Variants in CFDP1 observed in about 807,000 individuals in gnomAD.
CFDP1 encodes the protein heterochromatin-stabilizing protein CFDP1.
CFDP1 carries 31 observed loss-of-function variants against 40.1 expected under a neutral mutation model. The ratio of observed to expected loss-of-function variants is 0.77; its 90% CI spans 0.58 to 1.04. The LOEUF is 1.04. CFDP1 is among the 50% of genes least tolerant of loss of function. The pLI is 0.00. For missense variants in CFDP1, 423 were observed against 343.4 expected (o/e 1.23, Z -1.83); for synonymous variants, 167 against 120.0 (o/e 1.39, Z -2.56).
intron 5 of CFDP1, among the ~76,000 whole-genome samples, chr16:75,363,580 G>A (rs1185583284): frequency 6.6e-6 from 1 of 151,894 alleles, no homozygotes; most frequent in African/African-American, 2.4e-5. Flanking sequence ...ATTTTTAGTA[G>A]AGTCAGGGTT....
intron 1 of CFDP1, among the ~76,000 whole-genome samples, chr16:75,418,525 G>T (rs1175484742): frequency 1.3e-5 from 2 of 151,726 alleles, no homozygotes; most frequent in African/African-American, 2.4e-5. Context: ...TAGCCAAGAT[G>T]GTCTCGAACT....
chr16:75,371,954 T>C (rs772203253), intron 5 of CFDP1, among the ~76,000 whole-genome samples: 1 of 152,222 alleles, frequency 6.6e-6, no homozygotes, highest in Admixed American at 6.5e-5. Context: ...CTAATTTTCA[T>C]TGAGTCCTTC....
intron 5 of CFDP1, among the ~76,000 whole-genome samples, chr16:75,342,109 G>C (rs1026515503): frequency 6.6e-6 from 1 of 152,142 alleles, no homozygotes; most frequent in Non-Finnish European, 1.5e-5. Flanking sequence ...TGTTTCCAAA[G>C]GCCAGCACAT....
intron 5 of CFDP1, among the ~76,000 whole-genome samples, chr16:75,342,061 G>A (rs572878286): frequency 4.3e-4 from 66 of 152,260 alleles, no homozygotes; most frequent in African/African-American, 1.6e-3. Flanking sequence ...TTTTAAGGAT[G>A]TACCTCATCC....
At chr16:75,401,850 TA>T (rs71763293) in intron 4 of CFDP1, among the ~76,000 whole-genome samples, 78,671 of 151,538 alleles carry the variant, frequency 0.52, 21,457 homozygotes, top group Admixed American at 0.64. Context: ...GTTGAACATA[TA>T]AAAAAAAATA....
chr16:75,405,666 G>C (rs2079091082), intron 4 of CFDP1, among the ~76,000 whole-genome samples: 1 of 151,128 alleles, frequency 6.6e-6, no homozygotes, highest in Admixed American at 6.6e-5. Flanking sequence ...CAGGAGAACT[G>C]CTTGAACCAA....
chr16:75,403,850 G>A (rs1026613669), intron 4 of CFDP1, among the ~76,000 whole-genome samples: 3 of 152,028 alleles, frequency 2.0e-5, no homozygotes, highest in African/African-American at 7.2e-5. Context: ...TTATTTATGG[G>A]GCCAGGCATG....
At chr16:75,411,055 C>A (rs1160171290) in intron 4 of CFDP1, among the ~76,000 whole-genome samples, 3 of 151,842 alleles carry the variant, frequency 2.0e-5, no homozygotes, top group Admixed American at 2.0e-4. Flanking sequence ...CCCATCTCTA[C>A]TAAAAACACA....
chr16:75,377,544 A>G (rs1261154416), intron 5 of CFDP1, among the ~76,000 whole-genome samples: 1 of 151,908 alleles, frequency 6.6e-6, no homozygotes, highest in Non-Finnish European at 1.5e-5. Context: ...TAACAAAAGA[A>G]ATAAAGAAAA....
At chr16:75,343,516 G>A (rs866350093) in intron 5 of CFDP1, among the ~76,000 whole-genome samples, 4 of 152,320 alleles carry the variant, frequency 2.6e-5, no homozygotes, top group Middle Eastern at 3.4e-3. Flanking sequence ...GAAAGGAAAT[G>A]TAGAGAAAAT....
intron 1 of CFDP1, among the ~76,000 whole-genome samples, chr16:75,417,381 C>T (rs1249463462): frequency 6.6e-6 from 1 of 151,912 alleles, no homozygotes; most frequent in African/African-American, 2.4e-5. Flanking sequence ...AATGGAATAC[C>T]ACAGTCATTA....
chr16:75,369,837 C>A (rs1226187429), intron 5 of CFDP1, among the ~76,000 whole-genome samples: 1 of 152,082 alleles, frequency 6.6e-6, no homozygotes, highest in Non-Finnish European at 1.5e-5. Flanking sequence ...ACTAAAACCT[C>A]CGCCTCCCAG....
chr16:75,364,131 AAAAC>A (rs2078698049), intron 5 of CFDP1, among the ~76,000 whole-genome samples: 1 of 151,010 alleles, frequency 6.6e-6, no homozygotes, highest in African/African-American at 2.4e-5. Flanking sequence ...AAAACAAAAC[AAAAC>A]AAAACAAACA....
intron 5 of CFDP1, among the ~76,000 whole-genome samples, chr16:75,313,416 G>C (rs983344086): frequency 1.3e-5 from 2 of 152,150 alleles, no homozygotes; most frequent in African/African-American, 4.8e-5. Context: ...TACAGCCTCT[G>C]CTTCCTGGGT....
At chr16:75,303,290 C>G (rs369603352) in intron 6 of CFDP1, among the ~76,000 whole-genome samples, 3 of 152,100 alleles carry the variant, frequency 2.0e-5, no homozygotes, top group East Asian at 3.9e-4. Context: ...CGCTTGAACC[C>G]GGCAGGCAGA....
intron 5 of CFDP1, among the ~76,000 whole-genome samples, chr16:75,377,998 C>G (rs2078816553): frequency 6.6e-6 from 1 of 152,274 alleles, no homozygotes; most frequent in African/African-American, 2.4e-5. Flanking sequence ...ACATTTTAAC[C>G]CAGCATCTAT....
chr16:75,359,023 C>G (rs2078664460), intron 5 of CFDP1, among the ~76,000 whole-genome samples: 1 of 152,172 alleles, frequency 6.6e-6, no homozygotes, highest in South Asian at 2.1e-4. Context: ...ATTATCAAAA[C>G]AGCTAGTAAA....
chr16:75,333,971 T>C (rs2078466884), intron 5 of CFDP1, among the ~76,000 whole-genome samples: 1 of 152,194 alleles, frequency 6.6e-6, no homozygotes, highest in East Asian at 1.9e-4. Context: ...GCCCCCACCC[T>C]GGATAAATCA....
intron 5 of CFDP1, among the ~76,000 whole-genome samples, chr16:75,360,809 A>G (rs181395598): frequency 4.6e-5 from 7 of 152,374 alleles, no homozygotes; most frequent in Admixed American, 3.3e-4. Context: ...TTAATTTTCA[A>G]TAGACAAATT....
Sources: allele counts gnomAD v4.1 joint callset (sites outside exome capture counted in the v4.1 genomes callset), GRCh38; gene constraint gnomAD v4.1.1; transcripts MANE v1.5; gene names NCBI Gene and HGNC (gene_info 2026-07-23, HGNC 2026-07-21).